Variants in JARID2 observed in about 807,000 individuals in gnomAD.
JARID2 encodes the protein protein Jumonji.
In JARID2, 21 loss-of-function variants were observed where a neutral mutation model predicts 125.6. That is an observed-to-expected ratio of 0.17 (90% CI 0.12 to 0.24). The LOEUF (loss-of-function observed/expected upper bound fraction) is 0.24, where lower values mean the gene tolerates loss of function less well. Among genes scored for constraint, JARID2 ranks in the 10% least tolerant of loss-of-function variants. The pLI, the probability that JARID2 is intolerant of heterozygous loss-of-function variation, is 1.00. For synonymous variants in JARID2, 736 were observed against 661.6 expected (o/e 1.11, Z -1.73); for missense variants, 1,303 against 1,639.6 (o/e 0.79, Z 3.55).
chr6:15,380,864 G>T (rs938955676), intron 2 of JARID2, among the ~76,000 whole-genome samples: 2 of 152,054 alleles, frequency 1.3e-5, no homozygotes, highest in Admixed American at 1.3e-4. Context: ...AGGTCACATG[G>T]TCTGATTTAC....
At chr6:15,345,334 C>T (rs1763208647) in intron 1 of JARID2, among the ~76,000 whole-genome samples, 1 of 152,154 alleles carries the variant, frequency 6.6e-6, no homozygotes, top group Admixed American at 6.5e-5. Context: ...TCCGGCTACC[C>T]AACTCTGATA....
chr6:15,512,054 C>T (rs564849755), intron 13 of JARID2, among the ~76,000 whole-genome samples, 154 bp from the exon 14 acceptor site: 1 of 152,356 alleles, frequency 6.6e-6, no homozygotes, highest in Admixed American at 6.5e-5. Flanking sequence ...TTAGAAGCTC[C>T]TTCTTGTGTT....
chr6:15,345,811 A>T (rs1763225371), intron 1 of JARID2, among the ~76,000 whole-genome samples: 1 of 152,162 alleles, frequency 6.6e-6, no homozygotes, highest in Non-Finnish European at 1.5e-5. Context: ...GGTTGCTGGG[A>T]GTCTGTTACT....
intron 1 of JARID2, among the ~76,000 whole-genome samples, chr6:15,285,096 G>A (rs1216386781): frequency 7.1e-6 from 1 of 140,088 alleles, no homozygotes; most frequent in Non-Finnish European, 1.5e-5. Flanking sequence ...ATTAATGTGA[G>A]TCTTTCTGGG....
chr6:15,444,884 T>C (rs1238893276), intron 3 of JARID2, among the ~76,000 whole-genome samples: 1 of 151,962 alleles, frequency 6.6e-6, no homozygotes, highest in Non-Finnish European at 1.5e-5. Flanking sequence ...AATGATGTTT[T>C]GGCATGTACT....
At chr6:15,334,824 A>G (rs767258337) in intron 1 of JARID2, among the ~76,000 whole-genome samples, 5 of 152,222 alleles carry the variant, frequency 3.3e-5, no homozygotes, top group African/African-American at 4.8e-5. Context: ...GTTCAAAACT[A>G]CTACTGCCAT....
chr6:15,343,856 C>G (rs117256980), intron 1 of JARID2, among the ~76,000 whole-genome samples: 3 of 152,142 alleles, frequency 2.0e-5, no homozygotes, highest in Admixed American at 6.5e-5. Flanking sequence ...AGAATAACTT[C>G]GGTGCCCTGG....
intron 2 of JARID2, among the ~76,000 whole-genome samples, chr6:15,381,734 G>A (rs1665440556): frequency 6.6e-6 from 1 of 152,188 alleles, no homozygotes; most frequent in Admixed American, 6.5e-5. Flanking sequence ...TTTTTATTAT[G>A]TGGGAGGCAT....
At chr6:15,518,418 C>T (rs1771669295) in intron 17 of JARID2, among the ~76,000 whole-genome samples, 1 of 152,212 alleles carries the variant, frequency 6.6e-6, no homozygotes, top group African/African-American at 2.4e-5. Flanking sequence ...TATTTGGAAA[C>T]TGCATACTCT....
At chr6:15,503,897 G>A (rs1770863688) in intron 8 of JARID2, among the ~76,000 whole-genome samples, 1 of 151,792 alleles carries the variant, frequency 6.6e-6, no homozygotes, top group African/African-American at 2.4e-5. Context: ...TTGGGAACAG[G>A]GCAACAGAGG....
intron 3 of JARID2, 108 bp from the exon 4 acceptor site, chr6:15,451,898 G>A: frequency 9.1e-7 from 1 of 1,093,540 alleles, no homozygotes; most frequent in South Asian, 1.7e-5. Flanking sequence ...GAGTTTGCTT[G>A]AAATAGGATC....
chr6:15,377,160 TTCATACTGCTGATAAAG>T (rs925195888), intron 2 of JARID2, among the ~76,000 whole-genome samples: 5 of 152,172 alleles, frequency 3.3e-5, no homozygotes, highest in African/African-American at 1.2e-4. Context: ...TTAGTTTGTT[TTCATACTGCTGATAAAG>T]GCATATTGGA....
chr6:15,266,304 A>G (rs1308938008), intron 1 of JARID2, among the ~76,000 whole-genome samples: 1 of 152,220 alleles, frequency 6.6e-6, no homozygotes, highest in Non-Finnish European at 1.5e-5. Context: ...ATTAGTTACA[A>G]TGATCTTCCA....
intron 1 of JARID2, chr6:15,248,623 C>T (rs1271118345): frequency 6.6e-6 from 1 of 151,904 alleles, no homozygotes; most frequent in Non-Finnish European, 1.5e-5. Flanking sequence ...CGTCAGCGCG[C>T]CCCCTCTCCG....
chr6:15,355,722 G>A (rs530659308), intron 1 of JARID2, among the ~76,000 whole-genome samples: 21 of 151,860 alleles, frequency 1.4e-4, no homozygotes, highest in Admixed American at 4.6e-4. Context: ...AACGATTCTC[G>A]TGCCTCGGTC....
At chr6:15,353,334 A>G (rs1763492728) in intron 1 of JARID2, among the ~76,000 whole-genome samples, 1 of 152,214 alleles carries the variant, frequency 6.6e-6, no homozygotes, top group African/African-American at 2.4e-5. Flanking sequence ...TCACTTATAT[A>G]CATTACAGTA....
chr6:15,495,228 C>T (rs1448116405), intron 6 of JARID2, among the ~76,000 whole-genome samples: 2 of 152,196 alleles, frequency 1.3e-5, no homozygotes, highest in African/African-American at 4.8e-5. Context: ...TGTCGCTCCC[C>T]ATTTTCGCTG....
At chr6:15,390,370 C>T (rs1764953156) in intron 2 of JARID2, among the ~76,000 whole-genome samples, 1 of 152,138 alleles carries the variant, frequency 6.6e-6, no homozygotes, top group Non-Finnish European at 1.5e-5. Flanking sequence ...TTCATCGCCG[C>T]ACTGCCGCAC....
At chr6:15,303,004 A>C (rs1490883733) in intron 1 of JARID2, among the ~76,000 whole-genome samples, 1 of 152,220 alleles carries the variant, frequency 6.6e-6, no homozygotes, top group East Asian at 1.9e-4. Context: ...GATTATAGGC[A>C]TCAGCGACTG....
Sources: gnomAD v4.1 joint callset for allele counts (sites outside exome capture counted in the v4.1 genomes callset) on GRCh38, gnomAD v4.1.1 for gene constraint, MANE v1.5 for transcripts, NCBI Gene and HGNC (gene_info 2026-07-23, HGNC 2026-07-21) for gene names.